Variants in ZNF91 observed in about 807,000 individuals in gnomAD.
The protein encoded by ZNF91 is zinc finger protein 91, also known as zinc finger protein 91 (HPF7, HTF10).
A neutral mutation model predicts 12.6 loss-of-function variants in ZNF91; 7 were observed. That is an observed-to-expected ratio of 0.55 (90% CI 0.31 to 1.04). The LOEUF is 1.04. Ranked by LOEUF, ZNF91 falls within the 50% of genes least tolerant of loss-of-function variation. ZNF91 has a pLI of 0.05. For synonymous variants in ZNF91, 453 were observed against 462.6 expected (o/e 0.98, Z 0.27); for missense variants, 1,217 against 1,385.4 (o/e 0.88, Z 1.93).
chr19:23,363,794 T>C (rs2145066588), intron 3 of ZNF91, among the ~76,000 whole-genome samples: 1 of 151,590 alleles, frequency 6.6e-6, no homozygotes, highest in African/African-American at 2.4e-5. Context: ...CTATGGAAAA[T>C]CGGAAAAATG....
chr19:23,360,018 A>T lies in ZNF91; in HGVS notation c.2961T>A (p.Ile987=). The change falls in exon 4 of 4, where the codon ATT becomes ATA. Residue 987 remains isoleucine (I), a synonymous_variant. Transcript: ENST00000300619. ...KSSTLTEHKI[I]HTGEKPYKCE... ...ATTTGTAGGGTTTCTCTCCAGTATG[A>T]ATTATCTTATGTTCAGTAAGAGTTG... 1 of 1,612,558 alleles carries T rather than the reference A, an allele frequency of 6.2e-7. No homozygotes were observed. The highest frequency in any genetic ancestry group is 8.5e-7 in the Non-Finnish European group (1 of 1,179,828).
chr19:23,324,561 A>G (rs1369665146), intron 1 of ZNF91: 1 of 151,048 alleles, frequency 6.6e-6, no homozygotes, highest in Non-Finnish European at 1.5e-5. Flanking sequence ...GTATATACGT[A>G]TGTATACATA....
chr19:23,357,394 A>G (rs1968517078), downstream of ZNF91, among the ~76,000 whole-genome samples: 1 of 152,232 alleles, frequency 6.6e-6, no homozygotes, highest in Admixed American at 6.5e-5. Context: ...CAAGAAATTC[A>G]ATACAAAGCA....
intron 1 of ZNF91, chr19:23,380,302 A>AAAAAG (rs554607914): frequency 8.2e-5 from 11 of 133,640 alleles, no homozygotes; most frequent in African/African-American, 2.4e-4. Context: ...AAAAAAAAAA[A>AAAAAG]GAGTGAAGCT....
chr19:23,364,246 G>A (rs1968915896), intron 3 of ZNF91, among the ~76,000 whole-genome samples: 1 of 152,186 alleles, frequency 6.6e-6, no homozygotes, highest in South Asian at 2.1e-4. Flanking sequence ...TCAGGAGTTT[G>A]AGATCAGCCT....
chr19:23,307,182 T>C (rs1165284907), intron 3 of ZNF91: 1 of 152,224 alleles, frequency 6.6e-6, no homozygotes, highest in Non-Finnish European at 1.5e-5. Flanking sequence ...GGTTCTGCTC[T>C]CAAAACGTAT....
chr19:23,371,341 A>G (rs957995110), intron 3 of ZNF91, among the ~76,000 whole-genome samples: 1 of 152,102 alleles, frequency 6.6e-6, no homozygotes, highest in Non-Finnish European at 1.5e-5. Flanking sequence ...GCAAAACTCC[A>G]TCTCAAAAAC....
chr19:23,359,626 GACT>G lies in ZNF91; in HGVS notation c.3350_3352del (p.Glu1117_Ser1118delinsAla), dbSNP rs1033026899. On this transcript the variant is annotated inframe_deletion, in exon 4 of 4. Transcript: ENST00000300619. The stretch of plus-strand genomic sequence containing the variant: ...TATCTTATGTTTAGTAAGAGCTGAG[GACT>G]CTTTAAAGGCTTTGCCACATTCTCC... The G allele has an allele frequency of 6.2e-7, 1 of 1,613,830 alleles. No homozygotes were observed. Among genetic ancestry groups the G allele is most frequent in the African/African-American group, 1.3e-5 (1 of 74,874 alleles).
upstream of ZNF91, among the ~76,000 whole-genome samples, chr19:23,312,143 C>T (rs1394725559): frequency 6.6e-6 from 1 of 151,902 alleles, no homozygotes; most frequent in African/African-American, 2.4e-5. Flanking sequence ...TATGACATAA[C>T]CCTAGCCCAG....
chr19:23,372,342 G>A (rs1013083408), intron 3 of ZNF91, among the ~76,000 whole-genome samples: 8 of 152,110 alleles, frequency 5.3e-5, no homozygotes, highest in Non-Finnish European at 1.0e-4. Context: ...TGTAATGACA[G>A]CTACATGGCA....
chr19:23,306,066 G>T (rs1221209311), intron 3 of ZNF91, among the ~76,000 whole-genome samples: 3 of 152,182 alleles, frequency 2.0e-5, no homozygotes, highest in Non-Finnish European at 4.4e-5. Flanking sequence ...ATATAATCTT[G>T]TATATGTATC....
At chr19:23,356,266 C>G (rs539179693), downstream of ZNF91, among the ~76,000 whole-genome samples, 1 of 152,142 alleles carries the variant, frequency 6.6e-6, no homozygotes, top group South Asian at 2.1e-4. Flanking sequence ...GTGGAACCAA[C>G]TGAAATGCCC....
At chr19:23,326,014 A>C (rs1201815677) in intron 1 of ZNF91, 2 of 152,158 alleles carry the variant, frequency 1.3e-5, no homozygotes, top group African/African-American at 4.8e-5. Flanking sequence ...TCTGTCTTCC[A>C]CATCACTGCC....
chr19:23,392,818 A>C (rs544386271), intron 1 of ZNF91, among the ~76,000 whole-genome samples: 24 of 152,200 alleles, frequency 1.6e-4, no homozygotes, highest in African/African-American at 4.3e-4. Flanking sequence ...ACAAAAAAAA[A>C]CCCTTAGGTC....
At chr19:23,383,863 G>A (rs1247478659) in intron 1 of ZNF91, among the ~76,000 whole-genome samples, 2 of 152,136 alleles carry the variant, frequency 1.3e-5, no homozygotes, top group Non-Finnish European at 1.5e-5. Context: ...TGTAATCCCA[G>A]CACTCTGGGA....
chr19:23,362,164 C>A lies in ZNF91; in HGVS notation c.815G>T (p.Gly272Val). The stretch of plus-strand genomic sequence containing the variant: ...GGTTGAGGACCATAGAAATGCTTTG[C>A]CACATTCTTCACACTTGTAGATTTT... The part of the protein sequence containing the change: ...KEKIYKCEEC[G>V]KAFLWSSTLT... Residue 272 changes from glycine (G) to valine (V), a missense_variant, in exon 4 of 4, where the codon GGC (glycine) becomes GTC (valine). Gly to Val is a moderately radical substitution (Grantham distance 109). Transcript: ENST00000300619. 6.2e-7 allele frequency: 1 copy of A among 1,613,772 alleles called. No individual in the cohort carries two copies. The highest frequency in any genetic ancestry group is 8.5e-7 in the Non-Finnish European group (1 of 1,179,926).
intron 3 of ZNF91, among the ~76,000 whole-genome samples, chr19:23,366,940 G>A (rs990259814): frequency 6.6e-6 from 1 of 152,194 alleles, no homozygotes; most frequent in African/African-American, 2.4e-5. Flanking sequence ...AAGGGAATAT[G>A]CAATATTTTT....
downstream of ZNF91, chr19:23,337,731 A>C (rs1405282104): frequency 6.6e-6 from 1 of 152,086 alleles, no homozygotes; most frequent in African/African-American, 2.4e-5. Flanking sequence ...GGCAAGAGAA[A>C]TCTGAAAACC....
At chr19:23,333,723 T>A (rs909872060) in intron 1 of ZNF91, among the ~76,000 whole-genome samples, 1 of 152,254 alleles carries the variant, frequency 6.6e-6, no homozygotes, top group Non-Finnish European at 1.5e-5. Flanking sequence ...AAGTCATGCA[T>A]GCTACCAGCT....
Sources: allele counts gnomAD v4.1 joint callset (sites outside exome capture counted in the v4.1 genomes callset), GRCh38; gene constraint gnomAD v4.1.1; transcripts MANE v1.5; gene names NCBI Gene and HGNC (gene_info 2026-07-23, HGNC 2026-07-21).